The following MYH11 variants were observed in gnomAD, a reference collection of about 807,000 sequenced individuals.
The protein encoded by MYH11 is myosin heavy chain 11.
MYH11 carries 80 observed loss-of-function variants against 246.6 expected under a neutral mutation model. The ratio of observed to expected loss-of-function variants is 0.32; its 90% CI spans 0.27 to 0.39. MYH11 has a LOEUF of 0.39. Among genes scored for constraint, MYH11 ranks in the 10% least tolerant of loss-of-function variants. The probability of loss-of-function intolerance (pLI) is 1.00; values close to 1 mark genes in which losing one functional copy is unlikely to be tolerated. For missense variants in MYH11, 2,158 were observed against 2,546.8 expected (o/e 0.85, Z 3.29); for synonymous variants, 1,071 against 1,015.5 (o/e 1.05, Z -1.04).
At chr16:15,760,788 T>A in intron 10 of MYH11, 130 bp from the exon 11 acceptor site, 5 of 773,326 alleles carry the variant, frequency 6.5e-6, no homozygotes. Flanking sequence ...CCGCTGACCA[T>A]GAATATAGCT....
intron 5 of MYH11, chr16:15,782,805 G>C (rs765505296): frequency 2.5e-5 from 9 of 359,548 alleles, no homozygotes; most frequent in Non-Finnish European, 4.3e-5. Context: ...CATGATGAAT[G>C]GTGCCCCCCG....
chr16:15,790,869 G>C (rs1179772457), intron 4 of MYH11: 1 of 152,076 alleles, frequency 6.6e-6, no homozygotes, highest in Non-Finnish European at 1.5e-5. Context: ...CCGTCTCACA[G>C]GGACCACCCT....
intron 27 of MYH11, among the ~76,000 whole-genome samples, chr16:15,729,322 C>T (rs576614764): frequency 1.5e-4 from 23 of 152,242 alleles, no homozygotes; most frequent in African/African-American, 4.8e-4. Flanking sequence ...TTGTTAGAGG[C>T]AAAGGCCTCT....
chr16:15,798,642 A>G lies in MYH11; in HGVS notation c.530+18T>C, dbSNP rs1183581433. 36 of 1,587,664 alleles carry G rather than the reference A, an allele frequency of 2.3e-5. No individual in the cohort carries two copies. Among genetic ancestry groups the G allele is most frequent in the East Asian group, 6.7e-5 (3 of 44,786 alleles). The stretch of plus-strand genomic sequence containing the variant: ...AAAAAAACAAAAAAAAAACAGAAGA[A>G]AAAGCAGTTCCACTTACGTGCATAG... On this transcript the variant is annotated intron_variant, in intron 4 of 40. Transcript: ENST00000300036.
intron 40 of MYH11, chr16:15,714,634 G>C (rs866583834): frequency 6.5e-5 from 37 of 570,178 alleles, no homozygotes; most frequent in Middle Eastern, 9.4e-4. Flanking sequence ...AGTGGGGATA[G>C]CCTCTTCCTC....
Position 15,724,220 on chromosome 16 carries a change from A to C in MYH11, c.4306T>G (p.Leu1436Val). The C allele has an allele frequency of 6.2e-7, 1 of 1,614,116 alleles. No individual in the cohort carries two copies. Among genetic ancestry groups the C allele is most frequent in the Non-Finnish European group, 8.5e-7 (1 of 1,180,036 alleles). Reference protein sequence around the residue: ...QQELDDLVVDLDNQRQLVSNL... With the variant: ...QQELDDLVVDVDNQRQLVSNL... The stretch of plus-strand genomic sequence containing the variant: ...GACACGAGTTGCCGCTGGTTGTCCA[A>C]ATCAACAACCAGGTCGTCCAGCTCC... Residue 1436 changes from leucine (L) to valine (V), a missense_variant, in exon 31 of 41, where the codon TTG becomes GTG. Leu to Val is a conservative substitution (Grantham distance 32). Around this residue, in one of 11 missense-constraint regions of MYH11, gnomAD observed 1,013 missense variants for 993.5 expected, o/e 1.02. Coordinates refer to ENST00000300036, the MANE Select transcript of MYH11 (RefSeq NM_002474.3).
chr16:15,786,525 TG>T, intron 5 of MYH11, 104 bp downstream of exon 5: 1 of 1,110,356 alleles, frequency 9.0e-7, no homozygotes, highest in Non-Finnish European at 1.4e-6. Context: ...GGTAGTCAGA[TG>T]GGGCCTGAGT....
At chr16:15,853,029 C>T (rs1427652324) in intron 1 of MYH11, among the ~76,000 whole-genome samples, 4 of 152,186 alleles carry the variant, frequency 2.6e-5, no homozygotes, top group Non-Finnish European at 5.9e-5. Context: ...TGTGGAAGAT[C>T]CTTAGGTCTT....
Position 15,750,680 on chromosome 16 carries a change from T to TA in MYH11, c.1865-350dup, listed in dbSNP as rs1326508199. ...TACCGTCTACCTTCTAGGGCAGGGG[T>TA]AAAAAAAAATAAGGCACAGAAGGCA... On this transcript the variant is annotated intron_variant, in intron 15 of 40. Transcript: ENST00000300036. This position sits in a 1 kb window ranked among gnomAD's most constrained non-coding sequence, Gnocchi z 4.3. 2.1e-4 allele frequency among the ~76,000 whole-genome samples: 31 copies of TA among 150,092 alleles called. No individual in the cohort carries two copies. The highest frequency in any genetic ancestry group is 1.4e-3 in the East Asian group (7 of 5,124).
Position 15,718,369 on chromosome 16 carries a change from C to T in MYH11, c.5241G>A (p.Glu1747=), listed in dbSNP as rs2151201307. The T allele has an allele frequency of 6.2e-7, 1 of 1,606,584 alleles. No homozygotes were observed. The highest frequency in any genetic ancestry group is 8.5e-7 in the Non-Finnish European group (1 of 1,178,734). ...RIAQLEEELE[E]EQGNMEAMSD... ...TCATGGCCTCCATGTTGCCCTGCTC[C>T]TCCTCCAGCTCCTCCTCCAGCTGGG... Residue 1747 remains glutamate (E), a synonymous_variant, in exon 37 of 41, where the codon GAG becomes GAA. Transcript: ENST00000300036.
chr16:15,820,478 A>C (rs997447878), intron 3 of MYH11, among the ~76,000 whole-genome samples: 2 of 112,492 alleles, frequency 1.8e-5, no homozygotes, highest in Non-Finnish European at 3.9e-5. Flanking sequence ...CCATCCGGAA[A>C]AAAAAAAAAA....
chr16:15,855,633 T>C (rs1232955998), intron 1 of MYH11, among the ~76,000 whole-genome samples: 2 of 152,228 alleles, frequency 1.3e-5, no homozygotes, highest in Non-Finnish European at 2.9e-5. Context: ...TGCAACAGCA[T>C]GTGGCACTGA....
rs943768534 is a variant in MYH11, at chr16:15,760,656, C to A, written c.1132G>T (p.Ala378Ser). The change falls in exon 11 of 41, where the codon GCT becomes TCT. Residue 378 changes from alanine (A) to serine (S), a missense_variant and splice_region_variant. Transcript: ENST00000300036. ...CCCATGAGGTGGCAAACTTTCTGAGCAGCTGGATGGAGAAAAGAAACATCG... is the reference window on the plus strand; with the variant it reads ...CCCATGAGGTGGCAAACTTTCTGAGAAGCTGGATGGAGAAAAGAAACATCG... Reference protein sequence around the residue: ...DQASMPDNTAAQKVCHLMGIN... With the variant: ...DQASMPDNTASQKVCHLMGIN... 2 of 1,596,730 alleles carry A rather than the reference C, an allele frequency of 1.3e-6. No homozygotes were observed. Among genetic ancestry groups the A allele is most frequent in the Middle Eastern group, 3.3e-4 (2 of 6,030 alleles).
rs74917687 is a variant in MYH11, at chr16:15,806,967, C to A, written c.503-8280G>T. Reference sequence around the variant, plus strand: ...GTCAATAAGATCTGCTTTTTTTTTTCTTTTCTTTTTTAAGAGATGAGGTGT... The same window carrying A: ...GTCAATAAGATCTGCTTTTTTTTTTATTTTCTTTTTTAAGAGATGAGGTGT... On this transcript the variant is annotated intron_variant, in intron 3 of 40. Transcript: ENST00000300036. Among the ~76,000 whole-genome samples, 4 of 145,616 alleles carry A rather than the reference C, an allele frequency of 2.7e-5. No individual in the cohort carries two copies. In the South Asian group the frequency reaches 8.5e-4, roughly 31 times the overall value.
Position 15,828,652 on chromosome 16 carries a change from G to C in MYH11, c.346-5241C>G, listed in dbSNP as rs2043636774. Reference sequence around the variant, plus strand: ...TACTAAAAATACAAAAATTAGCCAGGCATGATGGCAGGCGCCTGTAATCCC... The same window carrying C: ...TACTAAAAATACAAAAATTAGCCAGCCATGATGGCAGGCGCCTGTAATCCC... On this transcript the variant is annotated intron_variant, in intron 2 of 40. Coordinates refer to ENST00000300036, the MANE Select transcript of MYH11 (RefSeq NM_002474.3). Among the ~76,000 whole-genome samples the C allele has an allele frequency of 3.3e-5, 5 of 151,570 alleles. No homozygotes were observed. The South Asian group carries it at 8.3e-4, about 25-fold the overall frequency.
At chr16:15,808,733 A>AT (rs1165363171) in intron 3 of MYH11, among the ~76,000 whole-genome samples, 1 of 151,638 alleles carries the variant, frequency 6.6e-6, no homozygotes, top group Non-Finnish European at 1.5e-5. Flanking sequence ...TGAAAAAAAA[A>AT]TTTTTTTTAA....
intron 2 of MYH11, among the ~76,000 whole-genome samples, chr16:15,827,747 A>G (rs1281290311): frequency 1.3e-5 from 2 of 152,264 alleles, no homozygotes; most frequent in Middle Eastern, 3.2e-3. Flanking sequence ...TCCTGGGAGC[A>G]GGGACAGCCT....
At chr16:15,718,282 G>T (rs748554033) in intron 37 of MYH11, 33 bp downstream of exon 37, 12 of 1,606,188 alleles carry the variant, frequency 7.5e-6, no homozygotes, top group Non-Finnish European at 1.0e-5. Context: ...GAGACAGTAG[G>T]CAGCGTGACT....
At chr16:15,807,159 T>G (rs1349847208) in intron 3 of MYH11, among the ~76,000 whole-genome samples, 1 of 152,094 alleles carries the variant, frequency 6.6e-6, no homozygotes, top group Non-Finnish European at 1.5e-5. Context: ...TTCATTTTTT[T>G]TGTAGAGACA....
Sources: allele counts gnomAD v4.1 joint callset (sites outside exome capture counted in the v4.1 genomes callset), GRCh38; gene constraint gnomAD v4.1.1; regional missense constraint gnomAD v4.1.1; non-coding constraint Gnocchi (gnomAD v3.1); transcripts MANE v1.5; gene names NCBI Gene and HGNC (gene_info 2026-07-23, HGNC 2026-07-21).